The following ADGRL4 variants were observed in gnomAD, a reference collection of about 807,000 sequenced individuals.
The protein encoded by ADGRL4 is EGF, latrophilin and seven transmembrane domain containing 1.
In ADGRL4, 90 loss-of-function variants were observed where a neutral mutation model predicts 74.8. The observed-to-expected ratio is 1.20, with a 90% confidence interval of 1.02 to 1.43. The LOEUF (loss-of-function observed/expected upper bound fraction) is 1.43, where lower values mean the gene tolerates loss of function less well. Ranked by LOEUF, ADGRL4 falls within the 40% of genes most tolerant of loss-of-function variation. The pLI is 0.00. For missense variants in ADGRL4, 881 were observed against 814.3 expected (o/e 1.08, Z -1.00); for synonymous variants, 311 against 279.2 (o/e 1.11, Z -1.14).
rs766400218 is a variant in ADGRL4, at chr1:78,939,294, T to A, written c.326-36A>T. ...AGAAAATAGATTATACAGTCAGTTT[T>A]AAAAAGTATTTTTCCTAAGCTGATC... On this transcript the variant is annotated intron_variant, in intron 3 of 14. Coordinates refer to ENST00000370742, the MANE Select transcript of ADGRL4 (RefSeq NM_022159.4). The A allele has an allele frequency of 5.3e-6, 8 of 1,509,316 alleles. No individual in the cohort carries two copies. The African/African-American group carries it at 1.1e-4, about 21-fold the overall frequency. The allele number at this position is 1,509,316 out of a possible 1,614,324, so 93.5% of individuals were successfully genotyped here. A position where few individuals can be genotyped will look rare whatever the true frequency, so the allele number is the denominator to read the frequency against.
At chr1:78,909,753 T>A (rs1418863310) in intron 12 of ADGRL4, among the ~76,000 whole-genome samples, 4 of 151,900 alleles carry the variant, frequency 2.6e-5, no homozygotes, top group African/African-American at 4.8e-5. Context: ...TTGTAAATTT[T>A]AAAATCTGTA....
At chr1:78,952,144 C>T (rs1649742890) in intron 2 of ADGRL4, among the ~76,000 whole-genome samples, 1 of 151,894 alleles carries the variant, frequency 6.6e-6, no homozygotes, top group African/African-American at 2.4e-5. Flanking sequence ...TGGCCGGGCT[C>T]AAATTGATTA....
chr1:79,003,045 G>C (rs979350602), intron 2 of ADGRL4, among the ~76,000 whole-genome samples: 1 of 151,944 alleles, frequency 6.6e-6, no homozygotes, highest in Admixed American at 6.6e-5. Flanking sequence ...AAACAAATTC[G>C]ATTCCTCAAG....
chr1:78,997,659 G>A (rs1226847827), intron 2 of ADGRL4, among the ~76,000 whole-genome samples: 1 of 151,924 alleles, frequency 6.6e-6, no homozygotes, highest in Non-Finnish European at 1.5e-5. Context: ...TAAAAGTATG[G>A]CTTCTCTGGC....
At chr1:78,921,528 TA>T in intron 9 of ADGRL4, 84 bp downstream of exon 9, 3 of 879,790 alleles carry the variant, frequency 3.4e-6, no homozygotes, top group South Asian at 3.5e-5. Flanking sequence ...GAAAAATATA[TA>T]AAAAATTAAA....
chr1:78,918,584 G>A (rs1357369096), intron 10 of ADGRL4, among the ~76,000 whole-genome samples: 1 of 151,856 alleles, frequency 6.6e-6, no homozygotes, highest in Non-Finnish European at 1.5e-5. Context: ...AGATTATCAT[G>A]TAAATTTGAG....
intron 2 of ADGRL4, among the ~76,000 whole-genome samples, chr1:78,971,099 A>G (rs1338644146): frequency 6.6e-6 from 1 of 152,102 alleles, no homozygotes; most frequent in Non-Finnish European, 1.5e-5. Context: ...ATGGTCATGC[A>G]GTCATGTGAC....
At chr1:78,895,335 G>A (rs1162749648) in intron 12 of ADGRL4, among the ~76,000 whole-genome samples, 1 of 151,928 alleles carries the variant, frequency 6.6e-6, no homozygotes, top group Admixed American at 6.6e-5. Context: ...TGGTGCAGTG[G>A]CAAGGGCTAG....
At chr1:78,980,000 G>T (rs116438752) in intron 2 of ADGRL4, among the ~76,000 whole-genome samples, 1 of 151,766 alleles carries the variant, frequency 6.6e-6, no homozygotes, top group African/African-American at 2.4e-5. Flanking sequence ...ACGTATCCAC[G>T]GAATCAGAAA....
At chr1:78,944,490 G>T (rs1244014117) in intron 3 of ADGRL4, among the ~76,000 whole-genome samples, 1 of 152,086 alleles carries the variant, frequency 6.6e-6, no homozygotes, top group Non-Finnish European at 1.5e-5. Flanking sequence ...TGAGAATGTT[G>T]TTATGCTATA....
chr1:78,923,527 G>A (rs1347311322), intron 8 of ADGRL4, among the ~76,000 whole-genome samples: 1 of 151,878 alleles, frequency 6.6e-6, no homozygotes, highest in Non-Finnish European at 1.5e-5. Context: ...GGGTGGTCAT[G>A]AACCCCCAGA....
intron 3 of ADGRL4, among the ~76,000 whole-genome samples, chr1:78,945,597 C>T (rs946726529): frequency 3.3e-5 from 5 of 152,138 alleles, no homozygotes; most frequent in Non-Finnish European, 7.4e-5. Flanking sequence ...TGATAAATCA[C>T]ATGCATGACC....
intron 12 of ADGRL4, among the ~76,000 whole-genome samples, chr1:78,901,631 T>C (rs953545578): frequency 6.6e-6 from 1 of 152,112 alleles, no homozygotes; most frequent in African/African-American, 2.4e-5. Flanking sequence ...AGAAATAAAA[T>C]GTATAAAGCA....
At chr1:78,910,913 C>T (rs1280398373) in intron 12 of ADGRL4, among the ~76,000 whole-genome samples, 1 of 151,680 alleles carries the variant, frequency 6.6e-6, no homozygotes, top group Non-Finnish European at 1.5e-5. Context: ...GAACCAAACA[C>T]CTGAAGAATT....
At chr1:78,905,031 T>C (rs1332250913) in intron 12 of ADGRL4, among the ~76,000 whole-genome samples, 2 of 152,062 alleles carry the variant, frequency 1.3e-5, no homozygotes, top group African/African-American at 4.8e-5. Context: ...ATGGTTTCAA[T>C]GGACCTGTCA....
At chr1:78,970,719 C>T (rs1171212412) in intron 2 of ADGRL4, among the ~76,000 whole-genome samples, 1 of 152,152 alleles carries the variant, frequency 6.6e-6, no homozygotes, top group Admixed American at 6.5e-5. Flanking sequence ...CCTGGGACTC[C>T]ATTGAAAAAA....
At chr1:78,948,059 C>A (rs935909297) in intron 2 of ADGRL4, among the ~76,000 whole-genome samples, 10 of 152,028 alleles carry the variant, frequency 6.6e-5, no homozygotes, top group African/African-American at 2.4e-4. Flanking sequence ...GCAGACAGAG[C>A]CCAGGCATCA....
At chr1:78,989,735 A>G (rs1205617256) in intron 2 of ADGRL4, among the ~76,000 whole-genome samples, 1 of 152,074 alleles carries the variant, frequency 6.6e-6, no homozygotes, top group Non-Finnish European at 1.5e-5. Context: ...CCCATCAAAA[A>G]CAATTTTGTC....
chr1:78,943,088 C>T (rs115969511), intron 3 of ADGRL4, among the ~76,000 whole-genome samples: 4,832 of 151,964 alleles, frequency 0.032, 97 homozygotes, highest in South Asian at 0.053. Context: ...TTTTCTAATG[C>T]GTAACTCACA....
Sources: allele counts gnomAD v4.1 joint callset (sites outside exome capture counted in the v4.1 genomes callset), GRCh38; gene constraint gnomAD v4.1.1; transcripts MANE v1.5; gene names NCBI Gene and HGNC (gene_info 2026-07-23, HGNC 2026-07-21).